The following PSAT1 variants were observed in gnomAD, a reference collection of about 807,000 sequenced individuals.
PSAT1 encodes the protein phosphoserine aminotransferase.
In PSAT1, 41 loss-of-function variants were observed where a neutral mutation model predicts 40.3. The observed-to-expected ratio is 1.02, with a 90% CI of 0.79 to 1.32. The LOEUF is 1.32. PSAT1 is among the 40% of genes most tolerant of loss of function. The pLI is 0.00. For synonymous variants in PSAT1, 147 were observed against 170.5 expected (o/e 0.86, Z 1.07); for missense variants, 406 against 455.8 (o/e 0.89, Z 0.99).
chr9:78,321,580 T>G (rs1828430007), intron 7 of PSAT1, among the ~76,000 whole-genome samples: 1 of 152,256 alleles, frequency 6.6e-6, no homozygotes, highest in African/African-American at 2.4e-5. Context: ...ACCAGCTCCT[T>G]AACATAGTTC....
rs547979861 is a variant in PSAT1 at position 78,311,603 on chromosome 9, G to C, written c.740+3020G>C. Among the ~76,000 whole-genome samples the C allele has an allele frequency of 2.0e-5, 3 of 152,172 alleles. No homozygotes were observed. In the East Asian group the frequency reaches 5.8e-4, roughly 30 times the overall value. On this transcript the variant is annotated intron_variant, in intron 6 of 8. Transcript: ENST00000376588. ...AATCCCAGCACTTTGGGAGGCCGAGGCGAGTGGATCACAAGGTCAGGAAAT... is the reference window on the plus strand; with the variant it reads ...AATCCCAGCACTTTGGGAGGCCGAGCCGAGTGGATCACAAGGTCAGGAAAT...
chr9:78,328,868 G>C, intron 8 of PSAT1, 113 bp from the exon 9 acceptor site: 1 of 827,102 alleles, frequency 1.2e-6, no homozygotes, highest in South Asian at 1.4e-5. Flanking sequence ...GTAGGAGACC[G>C]GAAATGATGG....
At chr9:78,297,407 C>A in intron 1 of PSAT1, 137 bp downstream of exon 1, 2 of 1,029,058 alleles carry the variant, frequency 1.9e-6, no homozygotes, top group South Asian at 1.4e-5. Flanking sequence ...TCAGCGTGCA[C>A]AGCGGGATCA....
intron 6 of PSAT1, among the ~76,000 whole-genome samples, chr9:78,317,013 G>A (rs558754232): frequency 6.6e-6 from 1 of 152,308 alleles, no homozygotes; most frequent in Admixed American, 6.5e-5. Flanking sequence ...CTCTGGGTAG[G>A]GGTGGGATTG....
At chr9:78,322,420 C>G (rs762139870) in intron 7 of PSAT1, among the ~76,000 whole-genome samples, 5 of 152,160 alleles carry the variant, frequency 3.3e-5, no homozygotes, top group Admixed American at 6.5e-5. Flanking sequence ...GAAAGTGGGA[C>G]CAGCCAGGCT....
intron 6 of PSAT1, among the ~76,000 whole-genome samples, chr9:78,309,416 G>C (rs183868112): frequency 6.6e-6 from 1 of 152,342 alleles, no homozygotes; most frequent in Admixed American, 6.5e-5. Context: ...AGCCTGGAGT[G>C]CAGTGGCATG....
At chr9:78,298,489 T>C (rs1828059900) in intron 1 of PSAT1, 1 of 950,344 alleles carries the variant, frequency 1.1e-6, no homozygotes, top group Non-Finnish European at 1.3e-6. Flanking sequence ...GGGCTTATTT[T>C]TTCTCAGTGG....
At chr9:78,305,709 G>A (rs1237876511) in intron 4 of PSAT1, among the ~76,000 whole-genome samples, 1 of 152,132 alleles carries the variant, frequency 6.6e-6, no homozygotes, top group Admixed American at 6.5e-5. Flanking sequence ...CCATGCCTGA[G>A]TTGCATTCTA....
At chr9:78,305,673 G>A (rs1331389963) in intron 4 of PSAT1, among the ~76,000 whole-genome samples, 2 of 152,064 alleles carry the variant, frequency 1.3e-5, no homozygotes, top group African/African-American at 4.8e-5. Flanking sequence ...CATGTCCTGT[G>A]CCCCATTCTG....
Position 78,317,683 on chromosome 9 carries a change from G to A in PSAT1, c.748G>A (p.Val250Ile), listed in dbSNP as rs368071286. 2.0e-5 allele frequency: 32 copies of A among 1,613,384 alleles called. No homozygotes were observed. In the African/African-American group the frequency reaches 2.3e-4, roughly 11 times the overall value. The change falls in exon 7 of 9, where the codon GTC becomes ATC. Residue 250 changes from valine (V) to isoleucine (I), a missense_variant. By Grantham distance (29) the Val-to-Ile change is conservative (BLOSUM62 3). Transcript: ENST00000376588. ...TAAAAATCTTCATTTTAGCATCTACGTCATGGGCTTGGTTCTGGAGTGGAT... is the reference window on the plus strand; with the variant it reads ...TAAAAATCTTCATTTTAGCATCTACATCATGGGCTTGGTTCTGGAGTGGAT... ...YNTPPCFSIY[V>I]MGLVLEWIKN...
At chr9:78,323,072 G>A (rs1190686100) in intron 7 of PSAT1, among the ~76,000 whole-genome samples, 1 of 152,182 alleles carries the variant, frequency 6.6e-6, no homozygotes, top group African/African-American at 2.4e-5. Context: ...CAAGTCCAAT[G>A]TAAGATGTAA....
rs145826558 is a variant in PSAT1 at position 78,297,870 on chromosome 9, G to A, written c.60+600G>A. 4.3e-3 allele frequency among the ~76,000 whole-genome samples: 653 copies of A among 152,254 alleles called. 5 individuals are homozygous for A. The highest frequency in any genetic ancestry group is 0.015 in the African/African-American group (621 of 41,546). ...GCTTTAGCCAGCACTTAGGAACACT[G>A]CTTTTCAGAAATGTAAATTTGAAAA... On this transcript the variant is annotated intron_variant, in intron 1 of 8. Coordinates refer to ENST00000376588, the MANE Select transcript of PSAT1 (RefSeq NM_058179.4).
At chr9:78,309,423 C>T (rs6559373) in intron 6 of PSAT1, among the ~76,000 whole-genome samples, 46,642 of 152,114 alleles carry the variant, frequency 0.31, 7,463 homozygotes, top group East Asian at 0.45. Flanking sequence ...AGTGCAGTGG[C>T]ATGATCTCGG....
intron 4 of PSAT1, among the ~76,000 whole-genome samples, chr9:78,305,803 C>T (rs769160622): frequency 1.3e-5 from 2 of 152,202 alleles, no homozygotes; most frequent in Non-Finnish European, 2.9e-5. Flanking sequence ...GAAGAAACTA[C>T]TAGTCCATCA....
intron 8 of PSAT1, 53 bp from the exon 9 acceptor site, chr9:78,328,928 G>T (rs1828541105): frequency 3.5e-6 from 5 of 1,411,772 alleles, no homozygotes; most frequent in Middle Eastern, 3.5e-4. Context: ...AAGGTGTTTT[G>T]ATGCGAAATT....
chr9:78,327,917 A>G, intron 7 of PSAT1, 134 bp from the exon 8 acceptor site: 1 of 936,078 alleles, frequency 1.1e-6, no homozygotes. Context: ...GCTGGGGCAG[A>G]TTTTTTGTTT....
intron 6 of PSAT1, among the ~76,000 whole-genome samples, chr9:78,310,041 T>G (rs575094184): frequency 2.3e-4 from 35 of 152,304 alleles, no homozygotes; most frequent in African/African-American, 7.5e-4. Flanking sequence ...GATTGATAAA[T>G]ATTAGCTGCT....
At position 78,302,148 on chromosome 9, in the gene PSAT1, A is replaced by G. The variant is rs1451137112; in HGVS notation, c.191+125A>G. On this transcript the variant is annotated intron_variant, in intron 3 of 8. Transcript: ENST00000376588. ...TTTCATAATTTAAAATAATCCTTGT[A>G]AGATTCTCTCCAATTCACTATTAGT... 3.8e-6 allele frequency: 3 copies of G among 782,210 alleles called. No homozygotes were observed. The East Asian group carries it at 8.1e-5, about 21-fold the overall frequency. 48.5% of individuals were successfully genotyped at this position (782,210 alleles called of 1,614,324 possible).
intron 6 of PSAT1, among the ~76,000 whole-genome samples, chr9:78,312,057 T>G (rs1003909640): frequency 3.8e-5 from 5 of 130,422 alleles, no homozygotes; most frequent in African/African-American, 9.4e-5. Flanking sequence ...CGCCTTTTTT[T>G]TTTTTTCCCC....
Sources: gnomAD v4.1 joint callset for allele counts (sites outside exome capture counted in the v4.1 genomes callset) on GRCh38, gnomAD v4.1.1 for gene constraint, MANE v1.5 for transcripts, NCBI Gene and HGNC (gene_info 2026-07-23, HGNC 2026-07-21) for gene names.